The following TMCC1 variants were observed in gnomAD, a reference collection of about 807,000 sequenced individuals.
TMCC1 encodes the protein transmembrane and coiled-coil domains protein 1.
Under a neutral mutation model 52.4 loss-of-function variants are expected in TMCC1, and 15 were observed. That is an observed-to-expected ratio of 0.29 (90% CI 0.19 to 0.44). TMCC1 has a LOEUF of 0.44. Ranked by LOEUF, TMCC1 falls within the 20% of genes least tolerant of loss-of-function variation. The pLI is 1.00. For missense variants in TMCC1, 503 were observed against 806.0 expected, an observed-to-expected ratio of 0.62 and a Z score of 4.55; for synonymous variants, 279 against 301.9, an observed-to-expected ratio of 0.92 and a Z score of 0.79.
intron 5 of TMCC1, among the ~76,000 whole-genome samples, chr3:129,669,336 G>A (rs147359403): frequency 2.1e-3 from 316 of 152,270 alleles, no homozygotes; most frequent in African/African-American, 4.9e-3. Context: ...GTCCTTCAAG[G>A]CCTAACTTGA....
At chr3:129,703,643 A>G (rs1020761374) in intron 4 of TMCC1, among the ~76,000 whole-genome samples, 3 of 152,244 alleles carry the variant, frequency 2.0e-5, no homozygotes, top group Non-Finnish European at 4.4e-5. Context: ...CGTAACTACG[A>G]TAGCTGAAGA....
chr3:129,779,794 A>T (rs2055365912), intron 4 of TMCC1, among the ~76,000 whole-genome samples: 1 of 152,194 alleles, frequency 6.6e-6, no homozygotes, highest in Non-Finnish European at 1.5e-5. Flanking sequence ...AGGTTTGGTC[A>T]CTGAATAGTT....
intron 4 of TMCC1, among the ~76,000 whole-genome samples, chr3:129,790,439 G>C (rs1418294511): frequency 6.6e-6 from 1 of 152,146 alleles, no homozygotes; most frequent in Non-Finnish European, 1.5e-5. Flanking sequence ...GCCAGAAGCT[G>C]AGATTTCAGT....
At chr3:129,892,308 C>CA (rs1034735164) in intron 1 of TMCC1, among the ~76,000 whole-genome samples, 6 of 151,962 alleles carry the variant, frequency 3.9e-5, no homozygotes, top group Admixed American at 6.5e-5. Flanking sequence ...TGGGTGATTG[C>CA]AAAAAAATAC....
At chr3:129,761,327 C>CAAAA (rs59160769) in intron 4 of TMCC1, among the ~76,000 whole-genome samples, 6 of 61,232 alleles carry the variant, frequency 9.8e-5, no homozygotes, top group East Asian at 5.5e-4. Flanking sequence ...GACTCCGTCT[C>CAAAA]AAAAAAAAAA....
chr3:129,712,627 T>G (rs2048787420), intron 4 of TMCC1, among the ~76,000 whole-genome samples: 1 of 151,960 alleles, frequency 6.6e-6, no homozygotes, highest in Admixed American at 6.6e-5. Context: ...AAAAAAATTT[T>G]TTTTTTGTAG....
At chr3:129,762,921 G>A (rs939085951) in intron 4 of TMCC1, among the ~76,000 whole-genome samples, 2 of 151,912 alleles carry the variant, frequency 1.3e-5, no homozygotes, top group East Asian at 1.9e-4. Context: ...ATTATAGGCC[G>A]GGCGCGGTGG....
intron 4 of TMCC1, among the ~76,000 whole-genome samples, chr3:129,809,246 CAAA>C (rs11418962): frequency 5.6e-4 from 51 of 91,396 alleles, no homozygotes; most frequent in African/African-American, 1.9e-3. Context: ...GATTCCATCT[CAAA>C]AAAAAAAAAA....
At chr3:129,789,503 C>A (rs756304219) in intron 4 of TMCC1, among the ~76,000 whole-genome samples, 1 of 151,904 alleles carries the variant, frequency 6.6e-6, no homozygotes, top group Non-Finnish European at 1.5e-5. Flanking sequence ...TTTTTTGAGA[C>A]GGAGTCTCGC....
chr3:129,876,957 AAAAT>A (rs1349503092), intron 2 of TMCC1, among the ~76,000 whole-genome samples: 1 of 152,258 alleles, frequency 6.6e-6, no homozygotes, highest in Non-Finnish European at 1.5e-5. Context: ...ACTCCATCTC[AAAAT>A]AAATAAATAA....
At chr3:129,741,704 ATATACT>A (rs2051472617) in intron 4 of TMCC1, among the ~76,000 whole-genome samples, 1 of 152,166 alleles carries the variant, frequency 6.6e-6, no homozygotes. Flanking sequence ...AGCAGCTCTC[ATATACT>A]TAAACTTGTC....
chr3:129,827,485 A>G (rs2107832359), intron 4 of TMCC1, among the ~76,000 whole-genome samples: 1 of 152,368 alleles, frequency 6.6e-6, no homozygotes, highest in East Asian at 1.9e-4. Flanking sequence ...CAAAACAATA[A>G]GAAACAAAGC....
At chr3:129,754,949 G>A (rs2052863382) in intron 4 of TMCC1, among the ~76,000 whole-genome samples, 1 of 151,930 alleles carries the variant, frequency 6.6e-6, no homozygotes, top group South Asian at 2.1e-4. Flanking sequence ...GTGGTGGCGG[G>A]CGCCTGCAAT....
At chr3:129,744,844 G>C (rs2051783776) in intron 4 of TMCC1, among the ~76,000 whole-genome samples, 1 of 152,158 alleles carries the variant, frequency 6.6e-6, no homozygotes, top group Non-Finnish European at 1.5e-5. Flanking sequence ...AGGTAATAAA[G>C]AAGGATTTCA....
At chr3:129,699,893 G>C (rs1422509507) in intron 4 of TMCC1, among the ~76,000 whole-genome samples, 1 of 152,104 alleles carries the variant, frequency 6.6e-6, no homozygotes, top group Non-Finnish European at 1.5e-5. Context: ...TCCAGCCTGG[G>C]AGACAGAGTG....
rs568131695 is a variant in TMCC1, at chr3:129,809,870, CAAAGCAAGTTACTCATCTAAAT to C, written c.576+17911_576+17932del. 1.8e-3 allele frequency among the ~76,000 whole-genome samples: 273 copies of C among 152,202 alleles called. 1 individual carries two copies. The highest frequency in any genetic ancestry group is 2.9e-3 in the Admixed American group (45 of 15,284). On this transcript the variant is annotated intron_variant, in intron 4 of 6. Transcript: ENST00000393238. ...AACAGTACATTTAATCTTGATGTGA[CAAAGCAAGTTACTCATCTAAAT>C]AAGGACCCTGATTTTATTTAGTTTT...
intron 4 of TMCC1, among the ~76,000 whole-genome samples, chr3:129,763,217 A>AG (rs2053773631): frequency 8.1e-6 from 1 of 122,982 alleles, no homozygotes; most frequent in African/African-American, 3.1e-5. Flanking sequence ...AAAATAAATA[A>AG]ATAAATAAAT....
intron 4 of TMCC1, chr3:129,688,436 G>C (rs1231694026): frequency 2.0e-6 from 2 of 985,386 alleles, no homozygotes; most frequent in Non-Finnish European, 2.4e-6. Flanking sequence ...CCACCAAAGA[G>C]CCGCAGTGAA....
At chr3:129,679,966 T>G (rs1326953660) in intron 4 of TMCC1, among the ~76,000 whole-genome samples, 1 of 152,210 alleles carries the variant, frequency 6.6e-6, no homozygotes, top group Admixed American at 6.5e-5. Flanking sequence ...ATTTATAACT[T>G]CTTCATCTGT....
Sources: gnomAD v4.1 joint callset for allele counts (sites outside exome capture counted in the v4.1 genomes callset) on GRCh38, gnomAD v4.1.1 for gene constraint, MANE v1.5 for transcripts, NCBI Gene and HGNC (gene_info 2026-07-23, HGNC 2026-07-21) for gene names.